NCALD: variants seen among roughly 807,000 people sequenced by gnomAD.
The protein encoded by NCALD is neurocalcin-delta.
NCALD carries 10 observed loss-of-function variants against 18.6 expected under a neutral mutation model. That is an observed-to-expected ratio of 0.54 (90% CI 0.33 to 0.91). The LOEUF is 0.91. Among genes scored for constraint, NCALD ranks in the 40% least tolerant of loss-of-function variants. NCALD has a pLI of 0.03. For missense variants in NCALD, 184 were observed against 247.6 expected (o/e 0.74, Z 1.72); for synonymous variants, 88 against 87.4 (o/e 1.01, Z -0.04).
intron 4 of NCALD, among the ~76,000 whole-genome samples, chr8:101,853,057 A>C (rs1027828937): frequency 6.6e-6 from 1 of 152,036 alleles, no homozygotes. Context: ...CCATGTCCAA[A>C]CCCTGGTCCC....
intron 2 of NCALD, among the ~76,000 whole-genome samples, chr8:101,710,204 C>T (rs1815720020): frequency 6.6e-6 from 1 of 152,152 alleles, no homozygotes; most frequent in Non-Finnish European, 1.5e-5. Context: ...CCAAGGGAAG[C>T]CATGCTGTGA....
chr8:102,001,778 G>A (rs563338283), intron 2 of NCALD, among the ~76,000 whole-genome samples: 1 of 152,168 alleles, frequency 6.6e-6, no homozygotes. Flanking sequence ...GCCAAACTAA[G>A]CTTCATAAGT....
At chr8:101,806,985 A>G (rs1813126300) in intron 4 of NCALD, among the ~76,000 whole-genome samples, 4 of 152,166 alleles carry the variant, frequency 2.6e-5, no homozygotes, top group Admixed American at 2.0e-4. Flanking sequence ...AATGGAGGCC[A>G]GAAGCCAGTG....
intron 1 of NCALD, among the ~76,000 whole-genome samples, chr8:101,760,738 A>G: frequency 6.6e-6 from 1 of 152,198 alleles, no homozygotes; most frequent in East Asian, 1.9e-4. Context: ...AGCAGTAGTA[A>G]TTTACATTCA....
At chr8:101,739,496 G>A (rs1406063271) in intron 1 of NCALD, among the ~76,000 whole-genome samples, 1 of 152,180 alleles carries the variant, frequency 6.6e-6, no homozygotes, top group Non-Finnish European at 1.5e-5. Context: ...ATTTGAGTCA[G>A]TGGACTGGGA....
At chr8:101,812,784 T>C (rs1480902422) in intron 4 of NCALD, among the ~76,000 whole-genome samples, 1 of 152,208 alleles carries the variant, frequency 6.6e-6, no homozygotes, top group East Asian at 1.9e-4. Flanking sequence ...AGGGCCTCTG[T>C]AGTTCCTACA....
intron 1 of NCALD, among the ~76,000 whole-genome samples, chr8:102,054,724 TATAGATAG>T (rs57636969): frequency 6.7e-6 from 1 of 149,802 alleles, no homozygotes; most frequent in Non-Finnish European, 1.5e-5. Flanking sequence ...ATAGATATCC[TATAGATAG>T]ATAGATAGAT....
rs551287217 is a variant in NCALD at position 101,705,417 on chromosome 8, G to A, written c.379-12521C>T. 4.6e-5 allele frequency among the ~76,000 whole-genome samples: 7 copies of A among 152,276 alleles called. No homozygotes were observed. The South Asian group carries it at 1.2e-3, about 27-fold the overall frequency. On this transcript the variant is annotated intron_variant, in intron 2 of 3. Transcript: ENST00000220931. ...AAGGACCTGATCGGAGGCAGGAAGA[G>A]CTGTTAGAAACATGTTGTGAAGATC...
At position 101,722,213 on chromosome 8, in the gene NCALD, G is replaced by A. The variant is rs149904276; in HGVS notation, c.-19-2565C>T. On this transcript the variant is annotated intron_variant, in intron 1 of 3. Coordinates refer to ENST00000220931, the MANE Select transcript of NCALD (RefSeq NM_032041.3). The stretch of plus-strand genomic sequence containing the variant: ...ACTGCAACTCAAATGGAGAACAAAT[G>A]GAATTTATAAATTGAACAGTCTAAT... Among the ~76,000 whole-genome samples the A allele has an allele frequency of 2.2e-3, 340 of 152,206 alleles. 3 individuals carry two copies. The highest frequency in any genetic ancestry group is 7.9e-3 in the African/African-American group (329 of 41,520).
chr8:101,895,033 T>A (rs1002248824), intron 3 of NCALD, among the ~76,000 whole-genome samples: 1 of 150,356 alleles, frequency 6.7e-6, no homozygotes, highest in Non-Finnish European at 1.5e-5. Context: ...ATCATTCTGA[T>A]ACCAAAGCCG....
At chr8:101,872,359 T>A (rs1324157573) in intron 4 of NCALD, 4 of 1,529,654 alleles carry the variant, frequency 2.6e-6, no homozygotes, top group Non-Finnish European at 3.6e-6. Context: ...ATCCTCCTCA[T>A]TAAACTCGTC....
At chr8:102,099,519 A>G (rs1490817687) in intron 1 of NCALD, among the ~76,000 whole-genome samples, 1 of 152,198 alleles carries the variant, frequency 6.6e-6, no homozygotes, top group African/African-American at 2.4e-5. Context: ...ATCAAGATAT[A>G]CAATTGATCC....
chr8:102,114,743 G>A (rs1429095999), intron 1 of NCALD, among the ~76,000 whole-genome samples: 1 of 152,218 alleles, frequency 6.6e-6, no homozygotes, highest in Admixed American at 6.5e-5. Context: ...GAAGTCAGAA[G>A]AAAAGATGGC....
intron 1 of NCALD, among the ~76,000 whole-genome samples, chr8:102,100,312 CA>C (rs1400986644): frequency 1.3e-5 from 2 of 152,136 alleles, no homozygotes; most frequent in East Asian, 3.8e-4. Context: ...GAATAAATCA[CA>C]AAATGTTATA....
intron 2 of NCALD, among the ~76,000 whole-genome samples, chr8:101,707,273 G>T (rs1815572690): frequency 6.6e-6 from 1 of 152,178 alleles, no homozygotes; most frequent in Admixed American, 6.5e-5. Context: ...ATATAAGGAA[G>T]TCTCTCTGGC....
intron 4 of NCALD, among the ~76,000 whole-genome samples, chr8:101,862,553 C>T (rs35015010): frequency 0.02 from 3,050 of 152,286 alleles, 53 homozygotes; most frequent in Non-Finnish European, 0.028. Context: ...CAAATAGTAG[C>T]TAGTGATTAA....
chr8:101,835,329 C>A (rs1814367704), intron 4 of NCALD, among the ~76,000 whole-genome samples: 1 of 152,222 alleles, frequency 6.6e-6, no homozygotes, highest in Non-Finnish European at 1.5e-5. Context: ...TTTTGCCCCT[C>A]CCAACCCCGC....
At chr8:102,047,339 T>A (rs1823281983) in intron 1 of NCALD, among the ~76,000 whole-genome samples, 1 of 152,216 alleles carries the variant, frequency 6.6e-6, no homozygotes, top group Admixed American at 6.5e-5. Context: ...TTAGCTGATA[T>A]TTGAAAGACA....
chr8:102,049,149 C>T (rs1586978759), intron 1 of NCALD, among the ~76,000 whole-genome samples: 1 of 152,280 alleles, frequency 6.6e-6, no homozygotes, highest in East Asian at 1.9e-4. Flanking sequence ...GATCCCACAG[C>T]CAGTAGCCAT....
Sources: gnomAD v4.1 joint callset for allele counts (sites outside exome capture counted in the v4.1 genomes callset) on GRCh38, gnomAD v4.1.1 for gene constraint, MANE v1.5 for transcripts, NCBI Gene and HGNC (gene_info 2026-07-23, HGNC 2026-07-21) for gene names.